The following FNIP2 variants were observed in gnomAD, a reference collection of about 807,000 sequenced individuals.
FNIP2 encodes folliculin-interacting protein 2.
FNIP2 carries 32 observed loss-of-function variants against 108.7 expected under a neutral mutation model. The observed-to-expected ratio is 0.29, with a 90% CI of 0.22 to 0.40. The LOEUF (loss-of-function observed/expected upper bound fraction) is 0.40. Among genes scored for constraint, FNIP2 ranks in the 10% least tolerant of loss-of-function variants. The pLI is 1.00. For synonymous variants in FNIP2, 480 were observed against 496.7 expected (o/e 0.97, Z 0.45); for missense variants, 1,202 against 1,381.6 (o/e 0.87, Z 2.06).
chr4:158,871,619 A>G, intron 14 of FNIP2: 1 of 985,392 alleles, frequency 1.0e-6, no homozygotes, highest in Non-Finnish European at 1.2e-6. Flanking sequence ...AGCTGGGGAA[A>G]GCCAGCCCAG....
Position 158,870,349 on chromosome 4 carries a change from T to C in FNIP2, c.2829T>C (p.Phe943=). 1 of 1,614,032 alleles carries C rather than the reference T, an allele frequency of 6.2e-7. No individual in the cohort carries two copies. The highest frequency in any genetic ancestry group is 8.5e-7 in the Non-Finnish European group (1 of 1,179,858). Reference sequence around the variant, plus strand: ...TCAGCACCCAGAATGTAAGGAACTTTGGCCGCTCACTTCTGGCGGGCTACT... The same window carrying C: ...TCAGCACCCAGAATGTAAGGAACTTCGGCCGCTCACTTCTGGCGGGCTACT... ...QSISTQNVRN[F]GRSLLAGYCP... The change falls in exon 14 of 17, where the codon TTT becomes TTC. Residue 943 remains phenylalanine, a synonymous_variant. Coordinates refer to ENST00000264433, the MANE Select transcript of FNIP2 (RefSeq NM_020840.3).
At position 158,825,973 on chromosome 4, in the gene FNIP2, T is replaced by G; in HGVS notation, c.165T>G (p.Cys55Trp). 6.2e-7 allele frequency: 1 copy of G among 1,609,436 alleles called. No homozygotes were observed. The highest frequency in any genetic ancestry group is 1.1e-5 in the South Asian group (1 of 91,054). ...TTCGCCTGATAGTTTACCAGGACTGTGACAGGAGAGGCAGACAAGTCTTGT... is the reference window on the plus strand; with the variant it reads ...TTCGCCTGATAGTTTACCAGGACTGGGACAGGAGAGGCAGACAAGTCTTGT... ...NEIRLIVYQD[C>W]DRRGRQVLFD... is the part of the protein sequence containing the mutation. The change falls in exon 2 of 17, where the codon TGT becomes TGG. Residue 55 changes from cysteine (C) to tryptophan (W), a missense_variant. This residue lies in a region of FNIP2 where 173 missense variants were observed against 165.9 expected (regional missense o/e 1.04). Transcript: ENST00000264433.
chr4:158,830,890 C>T (rs933696301), intron 3 of FNIP2, among the ~76,000 whole-genome samples: 10 of 152,162 alleles, frequency 6.6e-5, no homozygotes, highest in African/African-American at 1.2e-4. Flanking sequence ...GACACTCATT[C>T]AGATGTCACT....
At chr4:158,807,212 T>C (rs1777018487) in intron 1 of FNIP2, among the ~76,000 whole-genome samples, 1 of 152,176 alleles carries the variant, frequency 6.6e-6, no homozygotes, top group Non-Finnish European at 1.5e-5. Flanking sequence ...TATAAGTGCA[T>C]TTAACTTGGG....
chr4:158,790,143 ATGT>A (rs974874812), intron 1 of FNIP2, among the ~76,000 whole-genome samples: 2 of 151,832 alleles, frequency 1.3e-5, no homozygotes, highest in Non-Finnish European at 2.9e-5. Context: ...AGTGAATTTT[ATGT>A]TGAGACCTGG....
At chr4:158,851,497 G>A (rs759042563) in intron 8 of FNIP2, 47 bp downstream of exon 8, 3 of 1,600,324 alleles carry the variant, frequency 1.9e-6, no homozygotes, top group Non-Finnish European at 2.6e-6. Context: ...AGTGTAGGCA[G>A]CTTGATGAAA....
chr4:158,865,267 C>G (rs1560813070), intron 12 of FNIP2, among the ~76,000 whole-genome samples: 1 of 152,078 alleles, frequency 6.6e-6, no homozygotes, highest in Non-Finnish European at 1.5e-5. Context: ...TGTGCAATTT[C>G]TACATTTTAA....
intron 1 of FNIP2, among the ~76,000 whole-genome samples, chr4:158,780,707 T>G (rs765516917): frequency 6.6e-6 from 1 of 152,166 alleles, no homozygotes; most frequent in Non-Finnish European, 1.5e-5. Context: ...AAGACTGAGA[T>G]TCAGTGGTAG....
intron 7 of FNIP2, among the ~76,000 whole-genome samples, chr4:158,840,814 C>T (rs1383758363): frequency 3.3e-5 from 5 of 152,190 alleles, no homozygotes; most frequent in Admixed American, 1.3e-4. Context: ...AACTCTTCCT[C>T]GTCAAGGTGT....
rs562970168 is a variant in FNIP2, at chr4:158,895,364, C to T, written c.3151-386C>T. 3.3e-5 allele frequency among the ~76,000 whole-genome samples: 5 copies of T among 152,036 alleles called. No individual in the cohort carries two copies. In the East Asian group the frequency reaches 7.7e-4, roughly 23 times the overall value. On this transcript the variant is annotated intron_variant, in intron 15 of 16. Coordinates refer to ENST00000264433, the MANE Select transcript of FNIP2 (RefSeq NM_020840.3). ...AAAAATGCAATTTGCTATGTGGTTA[C>T]GTGTAAATTCACATTCTCAATATTG...
At chr4:158,866,092 T>A (rs1337774509) in intron 12 of FNIP2, among the ~76,000 whole-genome samples, 1 of 150,186 alleles carries the variant, frequency 6.7e-6, no homozygotes, top group Non-Finnish European at 1.5e-5. Context: ...CTGCTTTCCC[T>A]CCTCTCTAGA....
At chr4:158,901,634 G>A (rs35703448) in intron 16 of FNIP2, among the ~76,000 whole-genome samples, 43,890 of 151,712 alleles carry the variant, frequency 0.29, 7,100 homozygotes, top group Non-Finnish European at 0.38. Context: ...CCAATCAAAC[G>A]TAGATTTGGT....
At chr4:158,784,521 A>G (rs1165013717) in intron 1 of FNIP2, among the ~76,000 whole-genome samples, 4 of 152,234 alleles carry the variant, frequency 2.6e-5, no homozygotes, top group Non-Finnish European at 5.9e-5. Flanking sequence ...TGAAATAACT[A>G]TACAACTCAC....
chr4:158,871,339 G>T (rs979355004), intron 14 of FNIP2: 3 of 958,838 alleles, frequency 3.1e-6, no homozygotes, highest in Non-Finnish European at 1.2e-6. Flanking sequence ...TTGTGCAATA[G>T]GGAAAGTCCT....
rs187635218 is a variant in FNIP2, at chr4:158,828,907, A to C, written c.235-172A>C. On this transcript the variant is annotated intron_variant, in intron 2 of 16. Coordinates refer to ENST00000264433, the MANE Select transcript of FNIP2 (RefSeq NM_020840.3). Reference sequence around the variant, plus strand: ...CTTTTGTCTAGAACCCTTCTTCAGCATTCTGCCATCCCAAACCATGTTTTT... The same window carrying C: ...CTTTTGTCTAGAACCCTTCTTCAGCCTTCTGCCATCCCAAACCATGTTTTT... Among the ~76,000 whole-genome samples the C allele has an allele frequency of 3.3e-5, 5 of 152,310 alleles. No individual in the cohort carries two copies. In the East Asian group the frequency reaches 7.7e-4, roughly 23 times the overall value.
chr4:158,869,108 C>T lies in FNIP2; in HGVS notation c.2472C>T (p.His824=), dbSNP rs371720717. The change falls in exon 13 of 17, where the codon CAC becomes CAT. Residue 824 remains histidine, a synonymous_variant. Coordinates refer to ENST00000264433, the MANE Select transcript of FNIP2 (RefSeq NM_020840.3). ...CTGCTGACTTGGGCACAGCCTCCCA[C>T]GGTGCAGGAGGAACGGGAGGGAGGA... is the stretch of plus-strand genomic sequence containing the variant. The part of the protein sequence containing the change: ...SHAADLGTAS[H]GAGGTGGRRL... The T allele has an allele frequency of 3.8e-5, 62 of 1,613,916 alleles. No individual in the cohort carries two copies. Among genetic ancestry groups the T allele is most frequent in the African/African-American group, 2.5e-4 (19 of 74,994 alleles).
chr4:158,867,095 C>T (rs1780625751), intron 12 of FNIP2, among the ~76,000 whole-genome samples: 1 of 152,208 alleles, frequency 6.6e-6, no homozygotes, highest in Admixed American at 6.5e-5. Context: ...ATTGTCTCCT[C>T]CTTAAGCTGA....
chr4:158,854,424 C>T (rs1021910446), intron 8 of FNIP2, among the ~76,000 whole-genome samples: 1 of 152,266 alleles, frequency 6.6e-6, no homozygotes, highest in Non-Finnish European at 1.5e-5. Flanking sequence ...CTGGCAGTGC[C>T]GCTTTAGAGT....
At chr4:158,856,605 AGCAGACAGATTAG>A (rs2126666953) in intron 8 of FNIP2, among the ~76,000 whole-genome samples, 1 of 152,344 alleles carries the variant, frequency 6.6e-6, no homozygotes, top group Admixed American at 6.5e-5. Context: ...CATGAGCACC[AGCAGACAGATTAG>A]GCATGGGGTC....
Sources: allele counts gnomAD v4.1 joint callset (sites outside exome capture counted in the v4.1 genomes callset), GRCh38; gene constraint gnomAD v4.1.1; regional missense constraint gnomAD v4.1.1; transcripts MANE v1.5; gene names NCBI Gene and HGNC (gene_info 2026-07-23, HGNC 2026-07-21).